Variants in PDE1C observed in about 807,000 individuals in gnomAD.
PDE1C encodes phosphodiesterase 1C, also known as dual specificity calcium/calmodulin-dependent 3',5'-cyclic nucleotide phosphodiesterase 1C.
In PDE1C, 62 loss-of-function variants were observed where a neutral mutation model predicts 93.1. The observed-to-expected ratio is 0.67, with a 90% CI of 0.54 to 0.82. The LOEUF is 0.82. Among genes scored for constraint, PDE1C ranks in the 40% least tolerant of loss-of-function variants. The pLI is 0.00. For synonymous variants in PDE1C, 325 were observed against 310.1 expected (o/e 1.05, Z -0.50); for missense variants, 742 against 884.6 (o/e 0.84, Z 2.04).
intron 2 of PDE1C, among the ~76,000 whole-genome samples, chr7:31,966,123 G>A (rs932503986): frequency 6.6e-6 from 1 of 152,176 alleles, no homozygotes. Context: ...AACCTTAAAT[G>A]TAAATGGGCT....
At chr7:32,113,925 G>A (rs1798829367) in intron 3 of PDE1C, among the ~76,000 whole-genome samples, 1 of 152,096 alleles carries the variant, frequency 6.6e-6, no homozygotes, top group African/African-American at 2.4e-5. Context: ...GCTAACAAGG[G>A]ATGTGAAGGA....
chr7:31,631,824 G>GA, the PDE1C span, among the ~76,000 whole-genome samples: 1 of 152,180 alleles, frequency 6.6e-6, no homozygotes, highest in African/African-American at 2.4e-5. Context: ...TTTTGGCATA[G>GA]AAAAATAATT....
At chr7:32,295,268 C>T (rs215603) in intron 1 of PDE1C, among the ~76,000 whole-genome samples, 82,204 of 152,088 alleles carry the variant, frequency 0.54, 24,016 homozygotes, top group Admixed American at 0.67. Context: ...GGGCTAGTAC[C>T]GAGGCTCCAG....
At chr7:31,846,706 G>A (rs1792661049) in intron 9 of PDE1C, among the ~76,000 whole-genome samples, 1 of 151,982 alleles carries the variant, frequency 6.6e-6, no homozygotes, top group South Asian at 2.1e-4. Flanking sequence ...TACATAATGG[G>A]GGAAAATTTT....
chr7:31,620,646 C>T, the PDE1C span, among the ~76,000 whole-genome samples: 1 of 150,190 alleles, frequency 6.7e-6, no homozygotes, highest in African/African-American at 2.4e-5. Context: ...TAGATAAAAC[C>T]ACAAAGATGG....
At chr7:31,869,099 GA>G (rs1158735802) in intron 6 of PDE1C, among the ~76,000 whole-genome samples, 1 of 151,846 alleles carries the variant, frequency 6.6e-6, no homozygotes, top group Non-Finnish European at 1.5e-5. Flanking sequence ...AATGCAAAAG[GA>G]AAAAACTCAC....
chr7:32,228,742 G>C (rs937576267), intron 1 of PDE1C, among the ~76,000 whole-genome samples: 6 of 152,190 alleles, frequency 3.9e-5, no homozygotes, highest in Admixed American at 3.9e-4. Flanking sequence ...ATAACAGCCT[G>C]TGTCCTCCTG....
chr7:31,913,883 T>C (rs897785499), intron 2 of PDE1C, among the ~76,000 whole-genome samples: 2 of 152,142 alleles, frequency 1.3e-5, no homozygotes, highest in African/African-American at 4.8e-5. Context: ...AAAAGGAACT[T>C]GCACAGTCCA....
intron 2 of PDE1C, among the ~76,000 whole-genome samples, chr7:32,045,037 T>C (rs1010567762): frequency 4.6e-5 from 7 of 151,600 alleles, no homozygotes; most frequent in Admixed American, 6.6e-5. Context: ...CCTAGATCCC[T>C]ACACCTGTGC....
At chr7:32,356,900 C>T (rs1784040997) in intron 1 of PDE1C, among the ~76,000 whole-genome samples, 1 of 152,052 alleles carries the variant, frequency 6.6e-6, no homozygotes, top group South Asian at 2.1e-4. Flanking sequence ...AGCGAGAGTA[C>T]AGTGCATGTG....
intron 1 of PDE1C, among the ~76,000 whole-genome samples, chr7:32,358,021 T>C (rs7778364): frequency 0.14 from 21,723 of 152,206 alleles, 1,796 homozygotes; most frequent in South Asian, 0.28. Context: ...AGCAGAGGCC[T>C]GCTGACCTTA....
the PDE1C span, among the ~76,000 whole-genome samples, chr7:31,712,381 A>G: frequency 4.6e-5 from 7 of 152,232 alleles, no homozygotes; most frequent in Non-Finnish European, 1.0e-4. Context: ...ACACAAGGTT[A>G]CTTACTCTGA....
the PDE1C span, among the ~76,000 whole-genome samples, chr7:31,708,894 C>G: frequency 1.8e-4 from 28 of 152,302 alleles, no homozygotes; most frequent in African/African-American, 6.7e-4. Flanking sequence ...CCATGCTCTG[C>G]TCCCACTTCT....
intron 2 of PDE1C, among the ~76,000 whole-genome samples, chr7:31,994,465 C>T (rs1013589087): frequency 5.9e-5 from 9 of 152,050 alleles, no homozygotes; most frequent in African/African-American, 2.2e-4. Context: ...ACCCTATGAC[C>T]TCTCAGTTTT....
At chr7:32,417,374 TCTAATAATAAAAA>T (rs1198079079) in intron 1 of PDE1C, among the ~76,000 whole-genome samples, 1 of 151,940 alleles carries the variant, frequency 6.6e-6, no homozygotes, top group Non-Finnish European at 1.5e-5. Flanking sequence ...ATCTCACATG[TCTAATAATAAAAA>T]CACCTGTTGA....
chr7:32,216,444 T>G (rs187919424), intron 1 of PDE1C, among the ~76,000 whole-genome samples: 54 of 152,274 alleles, frequency 3.5e-4, no homozygotes, highest in Non-Finnish European at 6.0e-4. Context: ...AGCTGCTATC[T>G]CCCCAGTGCC....
At chr7:31,963,770 A>G (rs1809422810) in intron 2 of PDE1C, among the ~76,000 whole-genome samples, 1 of 152,246 alleles carries the variant, frequency 6.6e-6, no homozygotes, top group African/African-American at 2.4e-5. Flanking sequence ...GCACCTACTT[A>G]TTAACTCAGT....
intron 3 of PDE1C, chr7:31,879,381 G>A (rs904873868): frequency 5.7e-6 from 3 of 530,088 alleles, no homozygotes; most frequent in African/African-American, 5.7e-5. Flanking sequence ...GGCTTCCACT[G>A]ATATTTCAGG....
chr7:32,264,179 A>T (rs1056022981), intron 1 of PDE1C, among the ~76,000 whole-genome samples: 3 of 152,214 alleles, frequency 2.0e-5, no homozygotes, highest in Non-Finnish European at 4.4e-5. Context: ...ACAATTGAGA[A>T]TCACTAGATA....
Sources: gnomAD v4.1 joint callset for allele counts (sites outside exome capture counted in the v4.1 genomes callset) on GRCh38, gnomAD v4.1.1 for gene constraint, MANE v1.5 for transcripts, NCBI Gene and HGNC (gene_info 2026-07-23, HGNC 2026-07-21) for gene names.